BIRC6: variants seen among roughly 807,000 people sequenced by gnomAD.
The protein encoded by BIRC6 is dual E2 ubiquitin-conjugating enzyme/E3 ubiquitin-protein ligase BIRC6.
A neutral mutation model predicts 503.3 loss-of-function variants in BIRC6; 98 were observed. That is an observed-to-expected ratio of 0.19 (90% CI 0.17 to 0.23). The LOEUF is 0.23. BIRC6 is among the 10% of genes least tolerant of loss of function. BIRC6 has a pLI of 1.00. For synonymous variants in BIRC6, 2,240 were observed against 2,078.7 expected (o/e 1.08, Z -2.11); for missense variants, 5,360 against 5,806.0 (o/e 0.92, Z 2.50).
At chr2:32,535,669 T>TGTATATGTCCCACATTTTCTTA (rs1372235321) in intron 61 of BIRC6, among the ~76,000 whole-genome samples, 2 of 152,238 alleles carry the variant, frequency 1.3e-5, no homozygotes, top group African/African-American at 2.4e-5. Context: ...TATTCCATGG[T>TGTATATGTCCCACATTTTCTTA]GTATATGTCC....
intron 1 of BIRC6, among the ~76,000 whole-genome samples, chr2:32,372,658 G>C (rs899630222): frequency 1.3e-5 from 2 of 151,988 alleles, no homozygotes; most frequent in Non-Finnish European, 2.9e-5. Context: ...GCAAAACTTT[G>C]TATCTACAAA....
At chr2:32,374,196 T>TA (rs573843007) in intron 1 of BIRC6, among the ~76,000 whole-genome samples, 43 of 152,206 alleles carry the variant, frequency 2.8e-4, no homozygotes, top group African/African-American at 1.0e-3. Flanking sequence ...TTACCACAAT[T>TA]AAAAAAACTA....
chr2:32,549,769 T>G (rs867642925), intron 65 of BIRC6, among the ~76,000 whole-genome samples: 1 of 152,234 alleles, frequency 6.6e-6, no homozygotes, highest in African/African-American at 2.4e-5. Context: ...GGACAAAGGC[T>G]AACAACTTCA....
chr2:32,475,802 T>TA (rs1230653975), intron 33 of BIRC6, among the ~76,000 whole-genome samples: 1 of 152,094 alleles, frequency 6.6e-6, no homozygotes, highest in Non-Finnish European at 1.5e-5. Flanking sequence ...CAAATTTTAA[T>TA]AAAAAATATA....
intron 32 of BIRC6, 24 bp downstream of exon 32, chr2:32,471,148 A>G (rs1449734126): frequency 3.9e-6 from 6 of 1,551,680 alleles, no homozygotes; most frequent in East Asian, 4.9e-5. Flanking sequence ...GAGGTTTCTG[A>G]CAGGTATCAG....
Position 32,510,048 on chromosome 2 carries a change from T to C in BIRC6, c.10237+54T>C, listed in dbSNP as rs368876220. On this transcript the variant is annotated intron_variant, in intron 52 of 73. Coordinates refer to ENST00000421745, the MANE Select transcript of BIRC6 (RefSeq NM_016252.4). ...TTACATATCTGTAAAGTAACAGCAG[T>C]TGAACTGTGCGATCTTCGTGCTTAA... 65 of 1,580,964 alleles carry C rather than the reference T, an allele frequency of 4.1e-5. No individual in the cohort carries two copies. In the South Asian group the frequency reaches 6.9e-4, roughly 17 times the overall value.
At chr2:32,468,236 G>T in intron 28 of BIRC6, 125 bp downstream of exon 28, 1 of 1,072,122 alleles carries the variant, frequency 9.3e-7, no homozygotes, top group African/African-American at 1.6e-5. Context: ...GGAAGTAGGA[G>T]ATTAGCACGT....
chr2:32,556,215 A>C (rs918636709), intron 65 of BIRC6, among the ~76,000 whole-genome samples: 2 of 152,228 alleles, frequency 1.3e-5, no homozygotes, highest in African/African-American at 4.8e-5. Context: ...TTGGTATAGA[A>C]TATATGACTC....
intron 19 of BIRC6, 117 bp from the exon 20 acceptor site, chr2:32,443,374 T>C: frequency 1.5e-6 from 1 of 645,632 alleles, no homozygotes; most frequent in South Asian, 2.2e-5. Context: ...AAGGCAGGTT[T>C]TTCTTTTAAT....
chr2:32,483,226 C>T (rs1158932629), intron 39 of BIRC6, among the ~76,000 whole-genome samples: 3 of 151,956 alleles, frequency 2.0e-5, no homozygotes. Context: ...TTTATTTTTA[C>T]ACTTTTTTAG....
intron 33 of BIRC6, among the ~76,000 whole-genome samples, chr2:32,473,983 C>G (rs1402707803): frequency 6.6e-6 from 1 of 151,798 alleles, no homozygotes; most frequent in Admixed American, 6.6e-5. Context: ...TCTCAAACTC[C>G]TGGCTCTGGC....
intron 22 of BIRC6, among the ~76,000 whole-genome samples, chr2:32,450,255 G>T (rs996079378): frequency 7.2e-5 from 11 of 152,184 alleles, no homozygotes; most frequent in African/African-American, 1.2e-4. Context: ...GAGGTGGGCA[G>T]ATCACGAGGT....
chr2:32,603,793 T>G (rs572691669), intron 71 of BIRC6, among the ~76,000 whole-genome samples: 1 of 152,024 alleles, frequency 6.6e-6, no homozygotes, highest in South Asian at 2.1e-4. Flanking sequence ...GTCTTTACTC[T>G]GAAAATATCA....
At chr2:32,516,189 G>T (rs1265633135) in intron 55 of BIRC6, among the ~76,000 whole-genome samples, 2 of 152,178 alleles carry the variant, frequency 1.3e-5, no homozygotes, top group African/African-American at 4.8e-5. Flanking sequence ...TTAGGTTTCA[G>T]ATAGGAGACT....
rs10610125 is a variant in BIRC6 at position 32,431,181 on chromosome 2, C to CTTTTTTTTTTTTTTTTTTTTTTTTTTTTT, written c.3248+95_3248+123dup. On this transcript the variant is annotated intron_variant, in intron 12 of 73. Transcript: ENST00000421745. ...AATTCCTAGGTATATTACTGTTTAT[C>CTTTTTTTTTTTTTTTTTTTTTTTTTTTTT]TTTTTTTTTTTTTTTTTTTTTTTTT... is the stretch of plus-strand genomic sequence containing the variant. 1.1e-4 allele frequency: 7 copies of CTTTTTTTTTTTTTTTTTTTTTTTTTTTTT among 65,376 alleles called. 2 individuals carry two copies. Among genetic ancestry groups the CTTTTTTTTTTTTTTTTTTTTTTTTTTTTT allele is most frequent in the Non-Finnish European group, 2.0e-4 (7 of 35,558 alleles). The allele number at this position is 65,376 out of a possible 1,614,324, so 4.0% of individuals were successfully genotyped here. A position where few individuals can be genotyped will look rare whatever the true frequency, so the allele number is the denominator to read the frequency against.
chr2:32,517,013 A>G (rs2055124800), intron 55 of BIRC6, among the ~76,000 whole-genome samples: 2 of 152,180 alleles, frequency 1.3e-5, no homozygotes. Context: ...TTTTTATAAA[A>G]TATTGAAGGA....
chr2:32,483,279 AC>A (rs2050620607), intron 39 of BIRC6, among the ~76,000 whole-genome samples: 1 of 152,194 alleles, frequency 6.6e-6, no homozygotes, highest in Non-Finnish European at 1.5e-5. Context: ...TTAATAAAAT[AC>A]ATTTTTTCCC....
intron 65 of BIRC6, chr2:32,566,405 TAC>T (rs2059536346): frequency 6.6e-6 from 1 of 152,178 alleles, no homozygotes; most frequent in African/African-American, 2.4e-5. Flanking sequence ...AGGCTTGGAG[TAC>T]AGTGGTGTGA....
chr2:32,543,091 C>T (rs1283025215), intron 61 of BIRC6, 150 bp from the exon 62 acceptor site: 15 of 912,964 alleles, frequency 1.6e-5, no homozygotes, highest in South Asian at 7.3e-5. Flanking sequence ...TGAGCCACTG[C>T]GCCCGGCTGG....
Sources: gnomAD v4.1 joint callset for allele counts (sites outside exome capture counted in the v4.1 genomes callset) on GRCh38, gnomAD v4.1.1 for gene constraint, MANE v1.5 for transcripts, NCBI Gene and HGNC (gene_info 2026-07-23, HGNC 2026-07-21) for gene names.